The following LRRC37A2 variants were observed in gnomAD, a reference collection of about 807,000 sequenced individuals.
LRRC37A2 encodes leucine-rich repeat-containing protein 37A2.
LRRC37A2 carries 9 observed loss-of-function variants against 68.8 expected under a neutral mutation model. The observed-to-expected ratio is 0.13, with a 90% CI of 0.08 to 0.23. The LOEUF (loss-of-function observed/expected upper bound fraction) is 0.23. LRRC37A2 is among the 10% of genes least tolerant of loss of function. The pLI is 1.00. For synonymous variants in LRRC37A2, 63 were observed against 367.6 expected, an observed-to-expected ratio of 0.17 and a Z score of 9.48; for missense variants, 168 against 950.4, an observed-to-expected ratio of 0.18 and a Z score of 10.82.
the LRRC37A2 span, among the ~76,000 whole-genome samples, chr17:46,812,107 G>T: frequency 2.0e-5 from 3 of 152,206 alleles, no homozygotes; most frequent in East Asian, 3.8e-4. Context: ...GAAGTCCCGG[G>T]AGATGGGATC....
At chr17:46,545,076 C>T (rs1359378481) in intron 8 of LRRC37A2, among the ~76,000 whole-genome samples, 15 of 135,524 alleles carry the variant, frequency 1.1e-4, no homozygotes, top group East Asian at 2.3e-4. Flanking sequence ...GCCTCGTAAC[C>T]GCAGATGGCC....
chr17:46,953,610 G>C, the LRRC37A2 span, among the ~76,000 whole-genome samples: 1 of 152,252 alleles, frequency 6.6e-6, no homozygotes, highest in African/African-American at 2.4e-5. Context: ...CTAGATCCCT[G>C]AGGAATCGCC....
chr17:46,767,304 C>G, the LRRC37A2 span, among the ~76,000 whole-genome samples: 1 of 152,144 alleles, frequency 6.6e-6, no homozygotes, highest in Non-Finnish European at 1.5e-5. Context: ...TCCTGCTCCC[C>G]GTCATCATCC....
At chr17:46,719,374 G>A in the LRRC37A2 span, among the ~76,000 whole-genome samples, 11 of 152,280 alleles carry the variant, frequency 7.2e-5, no homozygotes, top group Admixed American at 7.2e-4. This position sits in a 1 kb window ranked among gnomAD's most constrained non-coding sequence, Gnocchi z 4.3. Context: ...GAGTACATGA[G>A]ATTTTATTAT....
the LRRC37A2 span, chr17:46,936,060 G>C: frequency 2.0e-6 from 2 of 985,812 alleles, no homozygotes; most frequent in East Asian, 1.1e-4. Flanking sequence ...ATCTCTACGG[G>C]GGAGAGGGTC....
chr17:46,657,241 G>T, the LRRC37A2 span, among the ~76,000 whole-genome samples: 2 of 78,170 alleles, frequency 2.6e-5, no homozygotes, highest in Non-Finnish European at 3.3e-5. Flanking sequence ...GGATTCACAA[G>T]TGTAAATGTT....
At chr17:46,803,944 G>A in the LRRC37A2 span, among the ~76,000 whole-genome samples, 24 of 152,308 alleles carry the variant, frequency 1.6e-4, no homozygotes, top group African/African-American at 5.8e-4. Context: ...GACCCAGCAT[G>A]CCTTCTCCTT....
the LRRC37A2 span, among the ~76,000 whole-genome samples, chr17:46,786,303 C>T: frequency 7.9e-5 from 12 of 152,120 alleles, no homozygotes; most frequent in Non-Finnish European, 1.5e-5. Context: ...GGGTCCTGCA[C>T]CCCTGGCCTG....
At chr17:46,940,213 A>G in the LRRC37A2 span, 3 of 1,411,580 alleles carry the variant, frequency 2.1e-6, no homozygotes, top group Non-Finnish European at 2.8e-6. Flanking sequence ...CTTAATTGTC[A>G]TAGATTAACT....
the LRRC37A2 span, among the ~76,000 whole-genome samples, chr17:47,034,788 T>C: frequency 7.3e-5 from 11 of 151,164 alleles, no homozygotes; most frequent in Non-Finnish European, 1.6e-4. Flanking sequence ...TAGCCGACTT[T>C]GTACAGAGCC....
the LRRC37A2 span, among the ~76,000 whole-genome samples, chr17:47,038,121 T>C: frequency 2.6e-5 from 4 of 152,106 alleles, no homozygotes; most frequent in African/African-American, 4.8e-5. Context: ...CAGGGCAACA[T>C]ACTGAGACCT....
the LRRC37A2 span, among the ~76,000 whole-genome samples, chr17:46,825,041 T>TCTC: frequency 5.3e-5 from 8 of 152,332 alleles, no homozygotes; most frequent in African/African-American, 1.9e-4. Context: ...TCCCTTTCTT[T>TCTC]CTCTTCAGCC....
chr17:46,834,869 C>G, the LRRC37A2 span, among the ~76,000 whole-genome samples: 8 of 152,212 alleles, frequency 5.3e-5, no homozygotes, highest in African/African-American at 1.7e-4. Flanking sequence ...TCTCTGGAGG[C>G]CCACCTTACC....
the LRRC37A2 span, among the ~76,000 whole-genome samples, chr17:46,802,259 CTTTCT>C: frequency 1.2e-3 from 180 of 152,076 alleles, no homozygotes; most frequent in Middle Eastern, 6.8e-3. Context: ...AAGGGTTGGA[CTTTCT>C]TTTCTTTTAT....
At chr17:46,940,097 C>A in the LRRC37A2 span, 1 of 1,151,184 alleles carries the variant, frequency 8.7e-7, no homozygotes, top group Non-Finnish European at 1.1e-6. Flanking sequence ...TATTTCCCTT[C>A]CTTTCTGTGT....
At chr17:46,952,158 G>A in the LRRC37A2 span, among the ~76,000 whole-genome samples, 7 of 152,150 alleles carry the variant, frequency 4.6e-5, no homozygotes, top group East Asian at 3.9e-4. Flanking sequence ...CCAGCATCTC[G>A]TCTTTGGACT....
the LRRC37A2 span, among the ~76,000 whole-genome samples, chr17:46,879,646 TCA>T: frequency 9.6e-4 from 146 of 152,328 alleles, no homozygotes; most frequent in Non-Finnish European, 7.2e-4. Context: ...GTGCTCAAAG[TCA>T]CACCTAAGAG....
the LRRC37A2 span, among the ~76,000 whole-genome samples, chr17:47,007,408 C>T: frequency 9.2e-5 from 14 of 152,294 alleles, no homozygotes; most frequent in African/African-American, 2.9e-4. Flanking sequence ...GGAACTCTGA[C>T]CTCAGGTGAT....
At chr17:46,967,501 G>C in the LRRC37A2 span, among the ~76,000 whole-genome samples, 2 of 152,182 alleles carry the variant, frequency 1.3e-5, no homozygotes, top group Non-Finnish European at 2.9e-5. Flanking sequence ...GTCTTGGAGG[G>C]TAAGTAGTTC....
Sources: gnomAD v4.1 joint callset for allele counts (sites outside exome capture counted in the v4.1 genomes callset) on GRCh38, gnomAD v4.1.1 for gene constraint, Gnocchi (gnomAD v3.1) non-coding constraint, MANE v1.5 for transcripts, NCBI Gene and HGNC (gene_info 2026-07-23, HGNC 2026-07-21) for gene names.